The following GPR108 variants were observed in gnomAD, a reference collection of about 807,000 sequenced individuals.
The protein encoded by GPR108 is G protein-coupled receptor 108.
Under a neutral mutation model 74.3 loss-of-function variants are expected in GPR108, and 60 were observed. The observed-to-expected ratio is 0.81, with a 90% CI of 0.66 to 1.00. The LOEUF (loss-of-function observed/expected upper bound fraction) is 1.00. Among genes scored for constraint, GPR108 ranks in the 50% least tolerant of loss-of-function variants. The probability of loss-of-function intolerance (pLI) is 0.00; values close to 1 mark genes in which losing one functional copy is unlikely to be tolerated. For synonymous variants in GPR108, 311 were observed against 292.4 expected, an observed-to-expected ratio of 1.06 and a Z score of -0.65; for missense variants, 667 against 703.3, an observed-to-expected ratio of 0.95 and a Z score of 0.58.
chr19:6,736,832 G>C, intron 1 of GPR108, 121 bp from the exon 2 acceptor site: 1 of 1,377,662 alleles, frequency 7.3e-7, no homozygotes, highest in South Asian at 1.3e-5. Flanking sequence ...GACAGGCCCA[G>C]AGGATGACAA....
In GPR108 at chr19:6,732,321, A is replaced by G; in HGVS notation, c.1067T>C (p.Ile356Thr). The change falls in exon 12 of 18, where the codon ATC (isoleucine) becomes ACC (threonine). Residue 356 changes from isoleucine to threonine, a missense_variant. Ile to Thr is a moderately conservative substitution (Grantham distance 89). Coordinates refer to ENST00000264080, the MANE Select transcript of GPR108 (RefSeq NM_001080452.2). Reference sequence around the variant, plus strand: ...CTCCTTATCCGACAGGACGTACTTGATGAAGGCCCAGCCTGAGCCAATCAG... The same window carrying G: ...CTCCTTATCCGACAGGACGTACTTGGTGAAGGCCCAGCCTGAGCCAATCAG... ...IALIGSGWAFIKYVLSDKEKK... is the reference protein window; with the variant it reads ...IALIGSGWAFTKYVLSDKEKK... 6.2e-7 allele frequency: 1 copy of G among 1,613,374 alleles called. No individual in the cohort carries two copies. Among genetic ancestry groups the G allele is most frequent in the Non-Finnish European group, 8.5e-7 (1 of 1,180,016 alleles).
At chr19:6,731,590 G>A in intron 14 of GPR108, 68 bp from the exon 15 acceptor site, 1 of 962,162 alleles carries the variant, frequency 1.0e-6, no homozygotes, top group South Asian at 1.7e-5. Flanking sequence ...GGGGCTGGGG[G>A]CTGGGAGAGG....
chr19:6,732,867 G>A (rs1252788074), intron 10 of GPR108, 120 bp downstream of exon 10: 11 of 849,314 alleles, frequency 1.3e-5, no homozygotes, highest in Non-Finnish European at 1.9e-5. Flanking sequence ...TAAAATGGGT[G>A]GACACGTGGA....
At position 6,733,890 on chromosome 19, in the gene GPR108, G is replaced by A. The variant is rs199858389; in HGVS notation, c.573C>T (p.Asp191=). Reference sequence around the variant, plus strand: ...TGAGGTGGCTCAGGCCCAACACCAGGTCCTTGTCCTTCCCACTAGGACCCT... The same window carrying A: ...TGAGGTGGCTCAGGCCCAACACCAGATCCTTGTCCTTCCCACTAGGACCCT... The part of the protein sequence containing the change: ...VIQGPSGKDK[D]LVLGLSHLNN... The change falls in exon 7 of 18, where the codon GAC becomes GAT. Residue 191 remains aspartate (D), a synonymous_variant. Transcript: ENST00000264080. 8.7e-5 allele frequency: 140 copies of A among 1,614,034 alleles called. No individual in the cohort carries two copies. The highest frequency in any genetic ancestry group is 3.3e-5 in the Admixed American group (2 of 60,004).
At position 6,732,463 on chromosome 19, in the gene GPR108, G is replaced by T. The variant is rs768127276; in HGVS notation, c.1007+13C>A. The T allele has an allele frequency of 2.5e-6, 4 of 1,613,480 alleles. No homozygotes were observed. The East Asian group carries it at 8.9e-5, about 36-fold the overall frequency. Reference sequence around the variant, plus strand: ...CCTCCCCCCAGCTGCCCAGCAGAGTGGGGGACACTCACAGGTGTGCGATGT... The same window carrying T: ...CCTCCCCCCAGCTGCCCAGCAGAGTTGGGGACACTCACAGGTGTGCGATGT... On this transcript the variant is annotated intron_variant, in intron 11 of 17. Coordinates refer to ENST00000264080, the MANE Select transcript of GPR108 (RefSeq NM_001080452.2).
intron 1 of GPR108, 122 bp downstream of exon 1, chr19:6,737,335 G>T (rs1968682949): frequency 1.4e-5 from 18 of 1,254,222 alleles, no homozygotes; most frequent in Non-Finnish European, 1.9e-5. Context: ...GGAAACGGGG[G>T]GCGCCGGACC....
intron 5 of GPR108, 42 bp downstream of exon 5, chr19:6,734,141 A>C: frequency 6.2e-7 from 1 of 1,614,108 alleles, no homozygotes; most frequent in Non-Finnish European, 8.5e-7. Flanking sequence ...CAAAGGGCAG[A>C]CCTGCCCATC....
At position 6,733,111 on chromosome 19, in the gene GPR108, A is replaced by G. The variant is rs745988339; in HGVS notation, c.858-49T>C. On this transcript the variant is annotated intron_variant, in intron 9 of 17. Transcript: ENST00000264080. Reference sequence around the variant, plus strand: ...TGGGGGTGCGGGGCATCAGCAGAGCATAGGGATGGGGGTCTGGTGAAGGGA... The same window carrying G: ...TGGGGGTGCGGGGCATCAGCAGAGCGTAGGGATGGGGGTCTGGTGAAGGGA... The G allele has an allele frequency of 2.5e-6, 4 of 1,613,360 alleles. No homozygotes were observed. The Admixed American group carries it at 6.7e-5, about 27-fold the overall frequency.
chr19:6,734,088 G>C (rs761821681), intron 5 of GPR108, 34 bp from the exon 6 acceptor site: 57 of 1,614,150 alleles, frequency 3.5e-5, no homozygotes, highest in Non-Finnish European at 4.8e-5. Context: ...TTAAGAGATG[G>C]ATGGATGGAT....
Position 6,734,312 on chromosome 19 carries a change from GGT to G in GPR108, c.375-7_375-6del, listed in dbSNP as rs777513488. On this transcript the variant is annotated splice_region_variant and splice_polypyrimidine_tract_variant and intron_variant, in intron 4 of 17. Transcript: ENST00000264080. Reference sequence around the variant, plus strand: ...CCATACTTCCGCACCTGGACCCTGGGGTGAGGGTGGGGTGGGGCATGAGGCTG... The same window carrying G: ...CCATACTTCCGCACCTGGACCCTGGGGAGGGTGGGGTGGGGCATGAGGCTG... 1 of 1,612,484 alleles carries G rather than the reference GGT, an allele frequency of 6.2e-7. No individual in the cohort carries two copies. Among genetic ancestry groups the G allele is most frequent in the East Asian group, 2.2e-5 (1 of 44,876 alleles).
intron 4 of GPR108, 72 bp from the exon 5 acceptor site, chr19:6,734,379 T>C: frequency 1.3e-6 from 2 of 1,493,762 alleles, no homozygotes; most frequent in Non-Finnish European, 1.8e-6. Flanking sequence ...AAGGACTCAG[T>C]GGCCCCTTGG....
intron 2 of GPR108, among the ~76,000 whole-genome samples, chr19:6,736,211 C>T (rs1045177269): frequency 6.6e-6 from 1 of 152,182 alleles, no homozygotes; most frequent in Non-Finnish European, 1.5e-5. Context: ...CCTCTCACCT[C>T]GGCCTCCCGA....
chr19:6,730,654 G>A, intron 17 of GPR108: 2 of 516,106 alleles, frequency 3.9e-6, no homozygotes, highest in Non-Finnish European at 6.8e-6. Context: ...CCACCTTACT[G>A]CCATAGCAGC....
rs1314275343 is a variant in GPR108 at position 6,730,758 on chromosome 19, C to A, written c.1559+229G>T. On this transcript the variant is annotated intron_variant, in intron 17 of 17. Transcript: ENST00000264080. ...TGTCTCCCTAGCGGCCCTAACCCCA[C>A]CCCTAGCTCAGCCTGGCCTTAGGTA... is the stretch of plus-strand genomic sequence containing the variant. 3.3e-5 allele frequency among the ~76,000 whole-genome samples: 5 copies of A among 150,734 alleles called. No individual in the cohort carries two copies. The East Asian group carries it at 9.8e-4, about 29-fold the overall frequency.
At chr19:6,733,729 G>A (rs926167423) in intron 7 of GPR108, 55 bp from the exon 8 acceptor site, 15 of 1,583,440 alleles carry the variant, frequency 9.5e-6, no homozygotes, top group African/African-American at 5.4e-5. Flanking sequence ...GGTCTGGGGC[G>A]ACAATCAGCT....
intron 17 of GPR108, 38 bp downstream of exon 17, chr19:6,730,949 C>T: frequency 6.2e-7 from 1 of 1,609,384 alleles, no homozygotes; most frequent in Non-Finnish European, 8.5e-7. Context: ...CTACTCCACC[C>T]CCAGAGCCGC....
intron 1 of GPR108, 54 bp from the exon 2 acceptor site, chr19:6,736,765 C>A (rs752472403): frequency 1.9e-6 from 3 of 1,611,278 alleles, no homozygotes; most frequent in South Asian, 2.2e-5. Context: ...GCCTGCCCAG[C>A]CCCAGGGGTC....
intron 15 of GPR108, 21 bp downstream of exon 15, chr19:6,731,452 G>T: frequency 6.5e-7 from 1 of 1,528,290 alleles, no homozygotes; most frequent in Non-Finnish European, 8.8e-7. Flanking sequence ...CAAACCCGCT[G>T]TGAGTGAGGC....
At position 6,732,348 on chromosome 19, in the gene GPR108, G is replaced by A. The variant is rs1968446604; in HGVS notation, c.1040C>T (p.Ala347Val). 1.9e-6 allele frequency: 3 copies of A among 1,613,540 alleles called. No individual in the cohort carries two copies. Among genetic ancestry groups the A allele is most frequent in the Non-Finnish European group, 2.5e-6 (3 of 1,180,042 alleles). The change falls in exon 12 of 18, where the codon GCC (alanine) becomes GTC (valine). Residue 347 changes from alanine (A) to valine (V), a missense_variant. By Grantham distance (64) the Ala-to-Val change is moderately conservative. Coordinates refer to ENST00000264080, the MANE Select transcript of GPR108 (RefSeq NM_001080452.2). ...GAAGGCCCAGCCTGAGCCAATCAGG[G>A]CGATGGTGATGAAGAGGAGGGCGCC... The part of the protein sequence containing the change: ...LKGALLFITI[A>V]LIGSGWAFIK...
Sources: gnomAD v4.1 joint callset for allele counts (sites outside exome capture counted in the v4.1 genomes callset) on GRCh38, gnomAD v4.1.1 for gene constraint, MANE v1.5 for transcripts, NCBI Gene and HGNC (gene_info 2026-07-23, HGNC 2026-07-21) for gene names.